Variants in CPEB2 observed in about 807,000 individuals in gnomAD.
The protein encoded by CPEB2 is cytoplasmic polyadenylation element-binding protein 2.
Under a neutral mutation model 93.6 loss-of-function variants are expected in CPEB2, and 56 were observed. That is an observed-to-expected ratio of 0.60 (90% confidence interval 0.48 to 0.75). The LOEUF (loss-of-function observed/expected upper bound fraction) is 0.75, where lower values mean the gene tolerates loss of function less well. Among genes scored for constraint, CPEB2 ranks in the 30% least tolerant of loss-of-function variants. The probability of loss-of-function intolerance (pLI) is 0.00; values close to 1 mark genes in which losing one functional copy is unlikely to be tolerated. For synonymous variants in CPEB2, 764 were observed against 586.3 expected (o/e 1.30, Z -4.38); for missense variants, 1,579 against 1,395.1 (o/e 1.13, Z -2.10).
intron 6 of CPEB2, among the ~76,000 whole-genome samples, chr4:15,044,015 C>A (rs1176460407): frequency 6.6e-6 from 1 of 152,136 alleles, no homozygotes; most frequent in African/African-American, 2.4e-5. Context: ...CCCAGGGTAA[C>A]TGTACACTCC....
intron 5 of CPEB2, among the ~76,000 whole-genome samples, chr4:15,036,792 C>A (rs1186714377): frequency 6.6e-6 from 1 of 152,064 alleles, no homozygotes; most frequent in Non-Finnish European, 1.5e-5. Flanking sequence ...CTATGTATGT[C>A]ATAAAGAGCT....
intron 4 of CPEB2, among the ~76,000 whole-genome samples, chr4:15,030,980 G>C (rs1416821540): frequency 2.6e-5 from 4 of 152,048 alleles, no homozygotes; most frequent in African/African-American, 4.8e-5. Flanking sequence ...GGTGGAACTA[G>C]GCTTCATGTT....
At chr4:15,033,715 A>G (rs1726345535) in intron 5 of CPEB2, among the ~76,000 whole-genome samples, 1 of 152,234 alleles carries the variant, frequency 6.6e-6, no homozygotes. Context: ...CAAAGTAAGG[A>G]AAATAATAAA....
chr4:15,051,554 C>G (rs1329875806), intron 6 of CPEB2, among the ~76,000 whole-genome samples: 1 of 152,120 alleles, frequency 6.6e-6, no homozygotes, highest in Non-Finnish European at 1.5e-5. Flanking sequence ...CTATTTTTCT[C>G]TTTTTATCCC....
chr4:15,014,918 TTC>T (rs1293864281), intron 3 of CPEB2, among the ~76,000 whole-genome samples: 5 of 152,208 alleles, frequency 3.3e-5, no homozygotes, highest in South Asian at 4.1e-4. Flanking sequence ...GGCCATCCTA[TTC>T]TCTGTTTCAG....
At chr4:15,024,029 C>A (rs182929092) in intron 4 of CPEB2, among the ~76,000 whole-genome samples, 50 of 152,066 alleles carry the variant, frequency 3.3e-4, no homozygotes, top group African/African-American at 1.2e-3. Context: ...TGGAATTAAT[C>A]ATTATCTTTT....
intron 6 of CPEB2, among the ~76,000 whole-genome samples, chr4:15,041,389 T>C (rs1488848168): frequency 6.6e-6 from 1 of 151,298 alleles, no homozygotes; most frequent in East Asian, 1.9e-4. Context: ...ACAGGAATAA[T>C]AGTGCCCTTT....
chr4:15,047,997 C>A (rs1727873087), intron 6 of CPEB2, among the ~76,000 whole-genome samples: 1 of 149,540 alleles, frequency 6.7e-6, no homozygotes, highest in Non-Finnish European at 1.5e-5. Flanking sequence ...TATGGTATTT[C>A]TATTTTTGTC....
At chr4:15,016,790 ATATT>A (rs1577380845) in intron 3 of CPEB2, among the ~76,000 whole-genome samples, 1 of 151,948 alleles carries the variant, frequency 6.6e-6, no homozygotes, top group Non-Finnish European at 1.5e-5. Context: ...TTCCTCCCAA[ATATT>A]TATTTTCTAT....
In CPEB2 at chr4:15,003,703, A is replaced by G; in HGVS notation, c.1030A>G (p.Ser344Gly). 6 of 1,391,796 alleles carry G rather than the reference A, an allele frequency of 4.3e-6. No individual in the cohort carries two copies. Among genetic ancestry groups the G allele is most frequent in the Non-Finnish European group, 4.7e-6 (5 of 1,069,722 alleles). The allele number at this position is 1,391,796 out of a possible 1,614,324, so 86.2% of individuals were successfully genotyped here. ...LGAGAFSSLQ[S>G]PDLPHPGGGG... The stretch of plus-strand genomic sequence containing the variant: ...CGCGGGCGCCTTCAGCAGCCTGCAG[A>G]GCCCGGACCTTCCACACCCGGGCGG... The change falls in exon 1 of 12, where the codon AGC becomes GGC. Residue 344 changes from serine to glycine, a missense_variant. Transcript: ENST00000538197.
At chr4:15,042,041 C>A (rs1243346688) in intron 6 of CPEB2, among the ~76,000 whole-genome samples, 2 of 152,102 alleles carry the variant, frequency 1.3e-5, no homozygotes, top group African/African-American at 2.4e-5. Flanking sequence ...ATTTTCAAAT[C>A]TATGGACTAG....
At chr4:15,031,824 A>G (rs187081396) in intron 4 of CPEB2, among the ~76,000 whole-genome samples, 1 of 152,146 alleles carries the variant, frequency 6.6e-6, no homozygotes, top group Non-Finnish European at 1.5e-5. Flanking sequence ...TAGATGATCA[A>G]ACTCTTTAAT....
chr4:15,024,804 G>A (rs541154650), intron 4 of CPEB2, among the ~76,000 whole-genome samples: 18 of 148,706 alleles, frequency 1.2e-4, no homozygotes, highest in African/African-American at 4.5e-4. Flanking sequence ...GGAGTGCAGT[G>A]GCGTGATCTT....
intron 6 of CPEB2, among the ~76,000 whole-genome samples, chr4:15,042,223 AT>A (rs1727252457): frequency 6.6e-6 from 1 of 152,156 alleles, no homozygotes; most frequent in African/African-American, 2.4e-5. Context: ...CTAATTTCGT[AT>A]GCTCTCATGT....
In CPEB2 at chr4:15,003,188, A is replaced by G; in HGVS notation, c.515A>G (p.Gln172Arg). 2.0e-6 allele frequency: 3 copies of G among 1,533,944 alleles called. No homozygotes were observed. Among genetic ancestry groups the G allele is most frequent in the Non-Finnish European group, 2.6e-6 (3 of 1,146,224 alleles). ...SPQDFSKRQQ[Q>R]QLSSQKRKEF... ...CAGGACTTCAGTAAGCGGCAGCAGC[A>G]GCAGCTGAGCAGCCAGAAGAGGAAA... The change falls in exon 1 of 12, where the codon CAG becomes CGG. Residue 172 changes from glutamine to arginine, a missense_variant. By Grantham distance (43) the Gln-to-Arg change is conservative (BLOSUM62 1). Transcript: ENST00000538197.
At chr4:15,014,855 A>T (rs1723928674) in intron 3 of CPEB2, among the ~76,000 whole-genome samples, 1 of 152,100 alleles carries the variant, frequency 6.6e-6, no homozygotes, top group African/African-American at 2.4e-5. Context: ...CACAGGGAAG[A>T]TGGAAATATC....
chr4:15,066,540 T>C lies in CPEB2; in HGVS notation c.*160T>C. The C allele has an allele frequency of 1.8e-6, 1 of 566,612 alleles. No homozygotes were observed. Among genetic ancestry groups the C allele is most frequent in the Non-Finnish European group, 3.1e-6 (1 of 321,138 alleles). The allele number at this position is 566,612 out of a possible 1,614,324, so 35.1% of individuals were successfully genotyped here. On this transcript the variant is annotated 3_prime_UTR_variant, in exon 12 of 12. Transcript: ENST00000538197. ...ATCAGCAGCCAAAACACTACAAGCC[T>C]CTTGTTTTTCACCAAAACCCTACAT...
intron 3 of CPEB2, among the ~76,000 whole-genome samples, chr4:15,010,809 C>A (rs1185707687): frequency 6.6e-6 from 1 of 152,024 alleles, no homozygotes. Flanking sequence ...GAATATAATA[C>A]AAAATTCTAG....
chr4:15,032,967 T>G (rs2109029133), intron 4 of CPEB2, among the ~76,000 whole-genome samples, 194 bp from the exon 5 acceptor site: 1 of 152,326 alleles, frequency 6.6e-6, no homozygotes, highest in South Asian at 2.1e-4. Flanking sequence ...TAACTTTTTG[T>G]TTTGCTTTCA....
Sources: gnomAD v4.1 joint callset for allele counts (sites outside exome capture counted in the v4.1 genomes callset) on GRCh38, gnomAD v4.1.1 for gene constraint, MANE v1.5 for transcripts, NCBI Gene and HGNC (gene_info 2026-07-23, HGNC 2026-07-21) for gene names.